Variants in B4GALT5 observed in about 807,000 individuals in gnomAD.
The protein encoded by B4GALT5 is beta-1,4-galactosyltransferase 5.
A neutral mutation model predicts 45.0 loss-of-function variants in B4GALT5; 11 were observed. The observed-to-expected ratio is 0.24, with a 90% CI of 0.15 to 0.40. B4GALT5 has a LOEUF of 0.40. B4GALT5 is among the 10% of genes least tolerant of loss of function. B4GALT5 has a pLI of 1.00. For missense variants in B4GALT5, 337 were observed against 500.2 expected (o/e 0.67, Z 3.11); for synonymous variants, 185 against 182.9 (o/e 1.01, Z -0.09).
chr20:49,667,385 G>A (rs1781940472), intron 1 of B4GALT5, among the ~76,000 whole-genome samples: 1 of 151,920 alleles, frequency 6.6e-6, no homozygotes, highest in Admixed American at 6.6e-5. Context: ...CCGAGTAGCT[G>A]GGACTACAGG....
rs765941945 is a variant in B4GALT5 at position 49,639,768 on chromosome 20, C to T, written c.827G>A (p.Ser276Asn). Residue 276 changes from serine (S) to asparagine (N), a missense_variant, in exon 7 of 9, where the codon AGT (serine) becomes AAT (asparagine). Around this residue, in one of 2 missense-constraint regions of B4GALT5, gnomAD observed 163 missense variants for 292.8 expected, o/e 0.56. Transcript: ENST00000371711. ...LPYTEFFGGV[S>N]GLTVEQFRKI... ...CCGAAATTGTTCCACTGTTAAGCCA[C>T]TCACTCCGCCAAAGAACTCGGTATA... is the stretch of plus-strand genomic sequence containing the variant. 6.2e-7 allele frequency: 1 copy of T among 1,613,556 alleles called. No homozygotes were observed. The highest frequency in any genetic ancestry group is 1.1e-5 in the South Asian group (1 of 91,080).
intron 1 of B4GALT5, among the ~76,000 whole-genome samples, chr20:49,701,406 T>C (rs747684365): frequency 4.6e-5 from 7 of 152,196 alleles, no homozygotes; most frequent in Non-Finnish European, 8.8e-5. Context: ...CCAGCAGCTT[T>C]TACACGTTAG....
rs79725839 is a variant in B4GALT5, at chr20:49,678,730, G to A, written c.116-22028C>T. ...GGGTTAAAAGGTTTCATTTAACTTC[G>A]ATAAAGTAGGTATTAGTACTCTCAT... On this transcript the variant is annotated intron_variant, in intron 1 of 8. Transcript: ENST00000371711. Among the ~76,000 whole-genome samples the A allele has an allele frequency of 1.0e-3, 152 of 152,218 alleles. 3 individuals carry two copies. In the East Asian group the frequency reaches 0.025, roughly 25 times the overall value.
At chr20:49,675,786 T>C (rs1194253082) in intron 1 of B4GALT5, among the ~76,000 whole-genome samples, 1 of 152,200 alleles carries the variant, frequency 6.6e-6, no homozygotes, top group Non-Finnish European at 1.5e-5. Context: ...CTGGCTAATA[T>C]TTGAAAACTG....
chr20:49,685,134 G>A (rs2085780105), intron 1 of B4GALT5, among the ~76,000 whole-genome samples: 1 of 152,120 alleles, frequency 6.6e-6, no homozygotes, highest in African/African-American at 2.4e-5. Context: ...GGAAACTTCT[G>A]ATTTATGCAC....
chr20:49,647,501 C>A (rs975586761), intron 2 of B4GALT5, among the ~76,000 whole-genome samples: 2 of 152,112 alleles, frequency 1.3e-5, no homozygotes, highest in Non-Finnish European at 2.9e-5. Context: ...TCTTACCTAC[C>A]GACCTCCCAC....
rs11483927 is a variant in B4GALT5 at position 49,706,197 on chromosome 20, CA to C, written c.115+7378del. ...GCAACAAGAGAGCGAAACTCCATCT[CA>C]AAAAAAAAAAAAAAATCATAAACAT... On this transcript the variant is annotated intron_variant, in intron 1 of 8. Transcript: ENST00000371711. 9.9e-3 allele frequency among the ~76,000 whole-genome samples: 1,325 copies of C among 133,218 alleles called. 20 individuals carry two copies. The highest frequency in any genetic ancestry group is 0.033 in the African/African-American group (1,135 of 34,630). 87.4% of individuals were successfully genotyped at this position (133,218 alleles called of 152,430 possible). A position where few individuals can be genotyped will look rare whatever the true frequency, so the allele number is the denominator to read the frequency against.
intron 1 of B4GALT5, among the ~76,000 whole-genome samples, chr20:49,691,727 A>T (rs1218057795): frequency 1.3e-5 from 2 of 152,244 alleles, no homozygotes; most frequent in Admixed American, 1.3e-4. Context: ...AAGATCCAGA[A>T]GAAAAAGCAC....
chr20:49,654,843 A>G (rs1457484921), intron 2 of B4GALT5, among the ~76,000 whole-genome samples: 1 of 152,212 alleles, frequency 6.6e-6, no homozygotes, highest in Non-Finnish European at 1.5e-5. Context: ...ATGGTGGCTC[A>G]TGCCTATAAT....
In B4GALT5 at chr20:49,636,256, C is replaced by G; in HGVS notation, c.*56G>C. 6.3e-7 allele frequency: 1 copy of G among 1,594,490 alleles called. No homozygotes were observed. The highest frequency in any genetic ancestry group is 8.6e-7 in the Non-Finnish European group (1 of 1,168,874). On this transcript the variant is annotated 3_prime_UTR_variant, in exon 9 of 9. Transcript: ENST00000371711. ...GACCCTCCCCCCTCCAAAAAAAAATCTCATCGGACTGCTTTCTTGGTGGCG... is the reference window on the plus strand; with the variant it reads ...GACCCTCCCCCCTCCAAAAAAAAATGTCATCGGACTGCTTTCTTGGTGGCG...
chr20:49,657,514 A>T (rs2085648357), intron 1 of B4GALT5, among the ~76,000 whole-genome samples: 1 of 152,256 alleles, frequency 6.6e-6, no homozygotes, highest in African/African-American at 2.4e-5. Context: ...CTGCTATGCC[A>T]TCTATTTTCA....
At chr20:49,665,909 G>A (rs990559549) in intron 1 of B4GALT5, among the ~76,000 whole-genome samples, 17 of 152,070 alleles carry the variant, frequency 1.1e-4, no homozygotes, top group Middle Eastern at 6.8e-3. Context: ...TGGCTGGAGC[G>A]AAGGTTGCAT....
At chr20:49,664,130 C>G (rs1014079490) in intron 1 of B4GALT5, among the ~76,000 whole-genome samples, 1 of 152,104 alleles carries the variant, frequency 6.6e-6, no homozygotes, top group South Asian at 2.1e-4. Flanking sequence ...TTAGAACAAC[C>G]TACAGTTCCA....
chr20:49,672,558 A>G, intron 1 of B4GALT5, among the ~76,000 whole-genome samples: 1 of 152,202 alleles, frequency 6.6e-6, no homozygotes, highest in Admixed American at 6.5e-5. Context: ...ATTATGACAG[A>G]CAGACTCTGT....
intron 1 of B4GALT5, among the ~76,000 whole-genome samples, chr20:49,664,226 A>C (rs911350892): frequency 6.6e-6 from 1 of 152,070 alleles, no homozygotes; most frequent in Non-Finnish European, 1.5e-5. Context: ...TAAATCTAGA[A>C]TATCCCTTAA....
At chr20:49,640,101 C>T (rs989945022) in intron 6 of B4GALT5, among the ~76,000 whole-genome samples, 2 of 152,138 alleles carry the variant, frequency 1.3e-5, no homozygotes, top group South Asian at 2.1e-4. Context: ...CACTGTCCCC[C>T]GCAAAGCCTT....
chr20:49,681,812 A>G (rs570647339), intron 1 of B4GALT5, among the ~76,000 whole-genome samples: 102 of 152,254 alleles, frequency 6.7e-4, no homozygotes, highest in Non-Finnish European at 1.2e-3. Context: ...ACCTCCAAGA[A>G]AGGCTGGGCG....
rs755244241 is a variant in B4GALT5 at position 49,678,221 on chromosome 20, G to A, written c.116-21519C>T. 6.3e-4 allele frequency among the ~76,000 whole-genome samples: 96 copies of A among 152,208 alleles called. 1 individual carries two copies. The highest frequency in any genetic ancestry group is 3.4e-4 in the Non-Finnish European group (23 of 68,030). The stretch of plus-strand genomic sequence containing the variant: ...CCTCCTGATATGGCAAGCACACAGG[G>A]CCTAGAGTCCTGGGCTAAACTAAAA... On this transcript the variant is annotated intron_variant, in intron 1 of 8. Transcript: ENST00000371711.
At chr20:49,686,681 G>A (rs2085786745) in intron 1 of B4GALT5, among the ~76,000 whole-genome samples, 1 of 128,760 alleles carries the variant, frequency 7.8e-6, no homozygotes, top group Admixed American at 9.3e-5. Flanking sequence ...GAGGCCAAGG[G>A]TTCTTGCTAT....
Sources: allele counts gnomAD v4.1 joint callset (sites outside exome capture counted in the v4.1 genomes callset), GRCh38; gene constraint gnomAD v4.1.1; regional missense constraint gnomAD v4.1.1; transcripts MANE v1.5; gene names NCBI Gene and HGNC (gene_info 2026-07-23, HGNC 2026-07-21).